The following PDE1C variants were observed in gnomAD, a reference collection of about 807,000 sequenced individuals.
PDE1C encodes the protein phosphodiesterase 1C, also known as dual specificity calcium/calmodulin-dependent 3',5'-cyclic nucleotide phosphodiesterase 1C.
In PDE1C, 62 loss-of-function variants were observed where a neutral mutation model predicts 93.1. The observed-to-expected ratio is 0.67, with a 90% CI of 0.54 to 0.82. The LOEUF is 0.82. Ranked by LOEUF, PDE1C falls within the 40% of genes least tolerant of loss-of-function variation. PDE1C has a pLI of 0.00. For missense variants in PDE1C, 742 were observed against 884.6 expected, an observed-to-expected ratio of 0.84 and a Z score of 2.04; for synonymous variants, 325 against 310.1, an observed-to-expected ratio of 1.05 and a Z score of -0.50.
intron 3 of PDE1C, among the ~76,000 whole-genome samples, chr7:32,105,934 C>T (rs142268755): frequency 2.6e-5 from 4 of 152,146 alleles, no homozygotes; most frequent in African/African-American, 7.2e-5. Context: ...GAGAAGCCCA[C>T]AATCCATAAG....
intron 1 of PDE1C, among the ~76,000 whole-genome samples, chr7:32,320,222 T>A (rs879921631): frequency 6.6e-5 from 10 of 152,228 alleles, no homozygotes; most frequent in Non-Finnish European, 1.5e-4. Flanking sequence ...GACCACTGCT[T>A]GTATATTTTG....
the PDE1C span, among the ~76,000 whole-genome samples, chr7:31,625,387 G>C: frequency 6.6e-6 from 1 of 151,904 alleles, no homozygotes; most frequent in Non-Finnish European, 1.5e-5. Flanking sequence ...GTCCAACAAT[G>C]ATAGACTGGA....
the PDE1C span, among the ~76,000 whole-genome samples, chr7:31,714,539 T>A: frequency 6.6e-6 from 1 of 152,322 alleles, no homozygotes; most frequent in Non-Finnish European, 1.5e-5. Flanking sequence ...ACTCTACTGG[T>A]ACCAACTTAC....
At position 31,911,014 on chromosome 7, in the gene PDE1C, T is replaced by C. The variant is rs191657232; in HGVS notation, c.129-30154A>G. On this transcript the variant is annotated intron_variant, in intron 2 of 17. Coordinates refer to ENST00000396191, the MANE Select transcript of PDE1C (RefSeq NM_001191057.4). ...ATACTGAACCTAAAACTAGCAAAAA[T>C]ATGTAAGTCAATTGCTTACATATAT... is the stretch of plus-strand genomic sequence containing the variant. 3.9e-5 allele frequency among the ~76,000 whole-genome samples: 6 copies of C among 152,300 alleles called. No homozygotes were observed. The East Asian group carries it at 1.2e-3, about 29-fold the overall frequency.
chr7:32,149,602 G>A (rs1380401802), intron 3 of PDE1C, among the ~76,000 whole-genome samples: 3 of 152,198 alleles, frequency 2.0e-5, no homozygotes, highest in African/African-American at 4.8e-5. Context: ...ATCCACTAAG[G>A]AACATTTATA....
intron 2 of PDE1C, among the ~76,000 whole-genome samples, chr7:31,887,342 C>G (rs1371054753): frequency 6.6e-6 from 1 of 152,080 alleles, no homozygotes; most frequent in Non-Finnish European, 1.5e-5. Flanking sequence ...ACTTATGTAG[C>G]TTTTACCTTT....
chr7:32,131,420 G>A (rs1033098849), intron 3 of PDE1C, among the ~76,000 whole-genome samples: 1 of 152,016 alleles, frequency 6.6e-6, no homozygotes, highest in African/African-American at 2.4e-5. Flanking sequence ...TTTGTTGTTT[G>A]GTTGGTTGAT....
At chr7:31,972,613 C>G (rs1343446350) in intron 2 of PDE1C, among the ~76,000 whole-genome samples, 1 of 152,128 alleles carries the variant, frequency 6.6e-6, no homozygotes, top group Non-Finnish European at 1.5e-5. Flanking sequence ...CTTTTCCCTG[C>G]TAAGTATGAC....
At chr7:31,677,965 G>T in the PDE1C span, among the ~76,000 whole-genome samples, 8 of 152,194 alleles carry the variant, frequency 5.3e-5, no homozygotes, top group African/African-American at 1.9e-4. Flanking sequence ...TATGTAAAAA[G>T]TAATAGCTTT....
intron 1 of PDE1C, among the ~76,000 whole-genome samples, chr7:32,367,719 G>T (rs2128086816): frequency 6.6e-6 from 1 of 152,202 alleles, no homozygotes; most frequent in East Asian, 1.9e-4. Flanking sequence ...GAGATGGGAG[G>T]ATTGCTTGAG....
chr7:31,662,616 T>C, the PDE1C span, among the ~76,000 whole-genome samples: 5 of 152,194 alleles, frequency 3.3e-5, no homozygotes, highest in Non-Finnish European at 7.3e-5. Flanking sequence ...CGTATGTGAC[T>C]GTGTTTGACT....
chr7:31,969,787 A>G (rs1392896102), intron 2 of PDE1C, among the ~76,000 whole-genome samples: 1 of 152,236 alleles, frequency 6.6e-6, no homozygotes, highest in East Asian at 1.9e-4. Context: ...TGTGGCACAT[A>G]TACACCATGG....
the PDE1C span, among the ~76,000 whole-genome samples, chr7:31,670,989 G>T: frequency 6.6e-6 from 1 of 152,016 alleles, no homozygotes; most frequent in Non-Finnish European, 1.5e-5. Flanking sequence ...CCAGATTCTG[G>T]GGAAAGATTA....
chr7:31,899,575 T>G (rs1205673296), intron 2 of PDE1C, among the ~76,000 whole-genome samples: 1 of 152,012 alleles, frequency 6.6e-6, no homozygotes, highest in Non-Finnish European at 1.5e-5. Flanking sequence ...TAAAAAGCAA[T>G]ACAGATTTTA....
intron 1 of PDE1C, among the ~76,000 whole-genome samples, chr7:32,254,093 C>CGA (rs1809600185): frequency 6.6e-6 from 1 of 151,978 alleles, no homozygotes; most frequent in South Asian, 2.1e-4. Context: ...TGAAATGAGG[C>CGA]GATACGGGGC....
chr7:32,346,842 A>G (rs778191631), intron 1 of PDE1C, among the ~76,000 whole-genome samples: 1 of 152,198 alleles, frequency 6.6e-6, no homozygotes, highest in Non-Finnish European at 1.5e-5. Context: ...AAGACTACAC[A>G]TGGCATGGTT....
At chr7:31,884,675 T>C (rs1337713095) in intron 2 of PDE1C, among the ~76,000 whole-genome samples, 2 of 152,172 alleles carry the variant, frequency 1.3e-5, no homozygotes, top group African/African-American at 4.8e-5. Flanking sequence ...CAGCCCACCT[T>C]TCTCTAGCTC....
chr7:31,925,429 T>G (rs1803248060), intron 2 of PDE1C, among the ~76,000 whole-genome samples: 1 of 151,462 alleles, frequency 6.6e-6, no homozygotes, highest in Non-Finnish European at 1.5e-5. Context: ...ATTCAGTCTT[T>G]AAAGAGAATG....
the PDE1C span, among the ~76,000 whole-genome samples, chr7:31,689,335 C>G: frequency 2.0e-5 from 3 of 152,144 alleles, no homozygotes; most frequent in African/African-American, 7.2e-5. Flanking sequence ...GAGGCCCTAG[C>G]TTTTTGGTTG....
Sources: allele counts gnomAD v4.1 joint callset (sites outside exome capture counted in the v4.1 genomes callset), GRCh38; gene constraint gnomAD v4.1.1; transcripts MANE v1.5; gene names NCBI Gene and HGNC (gene_info 2026-07-23, HGNC 2026-07-21).